The following AFG1L variants were observed in gnomAD, a reference collection of about 807,000 sequenced individuals.
AFG1L encodes the protein AFG1-like ATPase.
A neutral mutation model predicts 62.2 loss-of-function variants in AFG1L; 53 were observed. The observed-to-expected ratio is 0.85, with a 90% confidence interval of 0.68 to 1.07. The LOEUF is 1.07. Ranked by LOEUF, AFG1L falls within the 50% of genes least tolerant of loss-of-function variation. The pLI, the probability that AFG1L is intolerant of heterozygous loss-of-function variation, is 0.00. For synonymous variants in AFG1L, 228 were observed against 210.3 expected, an observed-to-expected ratio of 1.08 and a Z score of -0.73; for missense variants, 555 against 590.5, an observed-to-expected ratio of 0.94 and a Z score of 0.62.
At chr6:108,325,201 C>G (rs1279833477) in intron 2 of AFG1L, among the ~76,000 whole-genome samples, 1 of 152,214 alleles carries the variant, frequency 6.6e-6, no homozygotes, top group African/African-American at 2.4e-5. Flanking sequence ...CCCATGAACT[C>G]TTCCACACTC....
intron 7 of AFG1L, among the ~76,000 whole-genome samples, chr6:108,431,763 T>C (rs948980830): frequency 6.6e-6 from 1 of 151,854 alleles, no homozygotes; most frequent in African/African-American, 2.4e-5. Context: ...TTTGTATTTT[T>C]AGTAGAGACG....
At chr6:108,500,175 T>TGC (rs1774135156) in intron 10 of AFG1L, among the ~76,000 whole-genome samples, 8 of 133,292 alleles carry the variant, frequency 6.0e-5, no homozygotes, top group African/African-American at 2.6e-5. Flanking sequence ...TGCGTGCGTG[T>TGC]GTGTGTGTGT....
intron 1 of AFG1L, among the ~76,000 whole-genome samples, chr6:108,320,110 A>G (rs1200821372): frequency 2.0e-5 from 3 of 152,332 alleles, no homozygotes; most frequent in Admixed American, 1.3e-4. Context: ...ACGAATTTCA[A>G]GCCAAAGATT....
At chr6:108,322,436 G>T (rs1777850344) in intron 1 of AFG1L, among the ~76,000 whole-genome samples, 1 of 152,092 alleles carries the variant, frequency 6.6e-6, no homozygotes, top group Non-Finnish European at 1.5e-5. Flanking sequence ...CTTTAATGGG[G>T]TATGTCAGAA....
chr6:108,379,448 G>A (rs546436496), intron 6 of AFG1L, among the ~76,000 whole-genome samples: 9 of 152,304 alleles, frequency 5.9e-5, no homozygotes, highest in African/African-American at 2.2e-4. Context: ...ACTGGCAGAA[G>A]CTCTCTGTTG....
chr6:108,384,090 A>G (rs543301303), intron 6 of AFG1L, among the ~76,000 whole-genome samples: 3 of 150,658 alleles, frequency 2.0e-5, no homozygotes, highest in Admixed American at 6.6e-5. Flanking sequence ...AGGCTGGCAG[A>G]TTCTTGAGGA....
chr6:108,373,336 G>A (rs182663561), intron 6 of AFG1L, among the ~76,000 whole-genome samples: 6 of 152,118 alleles, frequency 3.9e-5, no homozygotes, highest in East Asian at 3.9e-4. Context: ...TAATGGCCTC[G>A]AGCTGCATCC....
chr6:108,413,509 A>G (rs1464124508), intron 7 of AFG1L, among the ~76,000 whole-genome samples: 5 of 152,222 alleles, frequency 3.3e-5, no homozygotes, highest in Non-Finnish European at 4.4e-5. Flanking sequence ...TTGACCACAT[A>G]GTTGGAAGTA....
At chr6:108,520,013 G>C (rs58105991) in intron 12 of AFG1L, 1 of 382,124 alleles carries the variant, frequency 2.6e-6, no homozygotes, top group Non-Finnish European at 4.8e-6. Flanking sequence ...AGGAACCTTA[G>C]TGGTCATGTA....
chr6:108,510,466 C>A, intron 11 of AFG1L, 114 bp downstream of exon 11: 1 of 736,752 alleles, frequency 1.4e-6, no homozygotes, highest in Non-Finnish European at 2.2e-6. Context: ...CCTCTTTGTG[C>A]CTCCATTCCC....
chr6:108,428,870 T>G (rs1770941526), intron 7 of AFG1L, among the ~76,000 whole-genome samples: 1 of 152,138 alleles, frequency 6.6e-6, no homozygotes, highest in Non-Finnish European at 1.5e-5. Flanking sequence ...GACACATAGT[T>G]TATGGGTTGT....
intron 8 of AFG1L, among the ~76,000 whole-genome samples, chr6:108,460,251 AAAT>A (rs1181605994): frequency 2.0e-5 from 3 of 152,154 alleles, no homozygotes; most frequent in Admixed American, 2.0e-4. Context: ...TTCAATAAAT[AAAT>A]AAGAAAAAGA....
At chr6:108,477,127 C>G in intron 9 of AFG1L, 65 bp from the exon 10 acceptor site, 1 of 1,134,734 alleles carries the variant, frequency 8.8e-7, no homozygotes, top group Non-Finnish European at 1.3e-6. Context: ...CATTTCCTAT[C>G]TGTAAGAGAT....
chr6:108,515,286 T>C (rs902228031), intron 11 of AFG1L, among the ~76,000 whole-genome samples: 26 of 152,068 alleles, frequency 1.7e-4, no homozygotes, highest in Admixed American at 6.6e-4. Flanking sequence ...ACAGAAATTA[T>C]ATAACAAACT....
At chr6:108,354,189 C>G (rs1391923196) in intron 3 of AFG1L, among the ~76,000 whole-genome samples, 1 of 152,170 alleles carries the variant, frequency 6.6e-6, no homozygotes, top group Non-Finnish European at 1.5e-5. Flanking sequence ...GCATTTTATG[C>G]TACCTGCATT....
At chr6:108,344,948 G>A in intron 2 of AFG1L, 1 of 362,720 alleles carries the variant, frequency 2.8e-6, no homozygotes, top group East Asian at 8.5e-5. Flanking sequence ...GACCTGCAGT[G>A]CCACTGTGGT....
At chr6:108,440,974 A>G (rs1294495844) in intron 7 of AFG1L, among the ~76,000 whole-genome samples, 1 of 152,194 alleles carries the variant, frequency 6.6e-6, no homozygotes, top group African/African-American at 2.4e-5. Flanking sequence ...AGTCACTTAG[A>G]TAAGGGATAG....
In AFG1L at chr6:108,447,381, G is replaced by A. The variant is rs140583274; in HGVS notation, c.890+85G>A. 119 of 754,194 alleles carry A rather than the reference G, an allele frequency of 1.6e-4. No individual in the cohort carries two copies. In the African/African-American group the frequency reaches 1.9e-3, roughly 12 times the overall value. 46.7% of individuals were successfully genotyped at this position (754,194 alleles called of 1,614,324 possible). A position where few individuals can be genotyped will look rare whatever the true frequency, so the allele number is the denominator to read the frequency against. ...AAATAAGCAGTTTAATTATTGGAACGTGAAAGGCTGGTTCTGAAGCCCATG... is the reference window on the plus strand; with the variant it reads ...AAATAAGCAGTTTAATTATTGGAACATGAAAGGCTGGTTCTGAAGCCCATG... On this transcript the variant is annotated intron_variant, in intron 8 of 12. Transcript: ENST00000368977.
rs1391620636 is a variant in AFG1L at position 108,472,718 on chromosome 6, C to T, written c.891-4147C>T. Among the ~76,000 whole-genome samples, 9 of 149,096 alleles carry T rather than the reference C, an allele frequency of 6.0e-5. No homozygotes were observed. In the East Asian group the frequency reaches 9.8e-4, roughly 16 times the overall value. On this transcript the variant is annotated intron_variant, in intron 8 of 12. Coordinates refer to ENST00000368977, the MANE Select transcript of AFG1L (RefSeq NM_145315.5). Reference sequence around the variant, plus strand: ...TTTTTGAGATGGAATCTCGCTCCGTCGCCCAGGCTGGAGGGCAGTGGCACA... The same window carrying T: ...TTTTTGAGATGGAATCTCGCTCCGTTGCCCAGGCTGGAGGGCAGTGGCACA...
Sources: gnomAD v4.1 joint callset for allele counts (sites outside exome capture counted in the v4.1 genomes callset) on GRCh38, gnomAD v4.1.1 for gene constraint, MANE v1.5 for transcripts, NCBI Gene and HGNC (gene_info 2026-07-23, HGNC 2026-07-21) for gene names.